QTMAN: variants seen among roughly 807,000 people sequenced by gnomAD.
The protein encoded by QTMAN is queuosine-tRNA mannosyltransferase.
the QTMAN span, among the ~76,000 whole-genome samples, chr2:143,953,216 T>C: frequency 2.6e-5 from 4 of 151,816 alleles, no homozygotes; most frequent in East Asian, 1.9e-4. Context: ...AGAATGTTCA[T>C]TTTTCAAAAA....
the QTMAN span, among the ~76,000 whole-genome samples, chr2:144,017,385 TG>T: frequency 6.6e-5 from 10 of 152,330 alleles, no homozygotes; most frequent in African/African-American, 2.4e-4. Context: ...CTTTAAAATT[TG>T]GTTGTGAATA....
chr2:143,982,704 T>C, the QTMAN span, among the ~76,000 whole-genome samples: 1 of 151,482 alleles, frequency 6.6e-6, no homozygotes, highest in East Asian at 2.0e-4. Context: ...CCTCTAAAAA[T>C]ATAAAAATTA....
chr2:143,956,827 G>T, the QTMAN span, among the ~76,000 whole-genome samples: 1 of 151,798 alleles, frequency 6.6e-6, no homozygotes, highest in Non-Finnish European at 1.5e-5. Flanking sequence ...ATTTTGTCTT[G>T]ATTGGCAGGT....
chr2:144,076,873 C>CT, the QTMAN span, among the ~76,000 whole-genome samples: 1 of 151,898 alleles, frequency 6.6e-6, no homozygotes, highest in Non-Finnish European at 1.5e-5. Flanking sequence ...AATCCCAGCA[C>CT]TTTGAGATGC....
the QTMAN span, among the ~76,000 whole-genome samples, chr2:144,154,644 T>G: frequency 6.6e-6 from 1 of 152,218 alleles, no homozygotes; most frequent in Non-Finnish European, 1.5e-5. Context: ...CAAATATGTT[T>G]GTTAAAAATG....
At chr2:143,988,396 A>G in the QTMAN span, among the ~76,000 whole-genome samples, 3 of 152,192 alleles carry the variant, frequency 2.0e-5, no homozygotes, top group African/African-American at 4.8e-5. Flanking sequence ...GAGGATACCA[A>G]TGTGGCCATA....
the QTMAN span, among the ~76,000 whole-genome samples, chr2:144,242,089 G>GA: frequency 6.6e-6 from 1 of 152,006 alleles, no homozygotes; most frequent in African/African-American, 2.4e-5. Flanking sequence ...CACAGGAGGA[G>GA]AAAAAACAGC....
the QTMAN span, among the ~76,000 whole-genome samples, chr2:144,273,507 A>G: frequency 6.6e-6 from 1 of 152,192 alleles, no homozygotes; most frequent in African/African-American, 2.4e-5. Context: ...CCATTATCCC[A>G]GGACTCAAAA....
the QTMAN span, among the ~76,000 whole-genome samples, chr2:144,276,077 T>C: frequency 6.6e-6 from 1 of 152,098 alleles, no homozygotes; most frequent in African/African-American, 2.4e-5. Flanking sequence ...TTTGTGTATG[T>C]CCCCAAGGGG....
At chr2:144,149,903 A>G in the QTMAN span, among the ~76,000 whole-genome samples, 1 of 152,114 alleles carries the variant, frequency 6.6e-6, no homozygotes, top group African/African-American at 2.4e-5. Context: ...TAAGGGCAGT[A>G]GTAGTGTGAC....
chr2:144,043,899 A>G, the QTMAN span, among the ~76,000 whole-genome samples: 1 of 152,144 alleles, frequency 6.6e-6, no homozygotes, highest in Non-Finnish European at 1.5e-5. Flanking sequence ...ACCTTAGTGT[A>G]CCCTATGTGT....
chr2:144,117,259 C>T, the QTMAN span, among the ~76,000 whole-genome samples: 1 of 152,178 alleles, frequency 6.6e-6, no homozygotes, highest in East Asian at 1.9e-4. Flanking sequence ...TCAGCTAGCA[C>T]CTGATCCACA....
At chr2:144,180,430 A>G in the QTMAN span, among the ~76,000 whole-genome samples, 1 of 152,140 alleles carries the variant, frequency 6.6e-6, no homozygotes, top group Non-Finnish European at 1.5e-5. Context: ...CCTTTAAAAA[A>G]TGCTTTCTGA....
the QTMAN span, among the ~76,000 whole-genome samples, chr2:144,225,573 T>A: frequency 2.6e-5 from 4 of 152,174 alleles, no homozygotes; most frequent in Non-Finnish European, 4.4e-5. Flanking sequence ...CTAAAACCAT[T>A]CTATTTTATC....
At chr2:144,152,305 C>G in the QTMAN span, among the ~76,000 whole-genome samples, 8 of 152,198 alleles carry the variant, frequency 5.3e-5, no homozygotes, top group Non-Finnish European at 1.2e-4. Context: ...TCTATCCTTG[C>G]TGCCATCATC....
At chr2:144,278,868 A>C in the QTMAN span, among the ~76,000 whole-genome samples, 1 of 152,214 alleles carries the variant, frequency 6.6e-6, no homozygotes, top group African/African-American at 2.4e-5. Context: ...TAATGATAAT[A>C]GCATCCAACT....
the QTMAN span, among the ~76,000 whole-genome samples, chr2:144,129,865 T>C: frequency 6.6e-6 from 1 of 151,986 alleles, no homozygotes; most frequent in Non-Finnish European, 1.5e-5. Flanking sequence ...AAATATTTTA[T>C]AACTAGTTTC....
the QTMAN span, among the ~76,000 whole-genome samples, chr2:144,296,939 A>G: frequency 6.6e-6 from 1 of 152,208 alleles, no homozygotes; most frequent in African/African-American, 2.4e-5. Flanking sequence ...ATGAAATAAT[A>G]AAATTTATAT....
the QTMAN span, among the ~76,000 whole-genome samples, chr2:144,253,845 C>T: frequency 6.6e-6 from 1 of 152,252 alleles, no homozygotes; most frequent in South Asian, 2.1e-4. Flanking sequence ...TGCTAATAAC[C>T]AAGACAGGGG....
Sources: gnomAD v4.1 joint callset for allele counts (sites outside exome capture counted in the v4.1 genomes callset) on GRCh38, gnomAD v4.1.1 for gene constraint, MANE v1.5 for transcripts, NCBI Gene and HGNC (gene_info 2026-07-23, HGNC 2026-07-21) for gene names.